The following SIDT1 variants were observed in gnomAD, a reference collection of about 807,000 sequenced individuals.
The protein encoded by SIDT1 is SID1 transmembrane family member 1.
SIDT1 carries 101 observed loss-of-function variants against 107.5 expected under a neutral mutation model. The observed-to-expected ratio is 0.94, with a 90% confidence interval of 0.80 to 1.11. The LOEUF is 1.11. Among genes scored for constraint, SIDT1 ranks in the 50% least tolerant of loss-of-function variants. The pLI is 0.00. For missense variants in SIDT1, 1,076 were observed against 1,058.2 expected, an observed-to-expected ratio of 1.02 and a Z score of -0.23; for synonymous variants, 395 against 398.2, an observed-to-expected ratio of 0.99 and a Z score of 0.10.
intron 2 of SIDT1, among the ~76,000 whole-genome samples, chr3:113,566,981 CAA>C (rs1363616537): frequency 1.3e-5 from 2 of 152,132 alleles, no homozygotes; most frequent in African/African-American, 4.8e-5. Flanking sequence ...GGAAAAACAA[CAA>C]AGTGCCTGCC....
At chr3:113,567,733 ACCTGTCTGTGTTT>A in intron 3 of SIDT1, 23 bp downstream of exon 3, 1 of 1,609,638 alleles carries the variant, frequency 6.2e-7, no homozygotes, top group Non-Finnish European at 8.5e-7. Context: ...TTCTCTGTTT[ACCTGTCTGTGTTT>A]CCTGTGCTTG....
chr3:113,540,460 T>C (rs1435063852), intron 1 of SIDT1, among the ~76,000 whole-genome samples: 1 of 152,126 alleles, frequency 6.6e-6, no homozygotes, highest in Non-Finnish European at 1.5e-5. Flanking sequence ...CTGGAAACAA[T>C]TTAAGATTTA....
chr3:113,553,720 A>C (rs1209093552), intron 1 of SIDT1, among the ~76,000 whole-genome samples: 1 of 152,168 alleles, frequency 6.6e-6, no homozygotes, highest in Non-Finnish European at 1.5e-5. Context: ...AGACTGGGGA[A>C]GTCTAAAGCC....
intron 4 of SIDT1, among the ~76,000 whole-genome samples, chr3:113,580,321 G>A (rs1231614685): frequency 1.3e-5 from 2 of 152,126 alleles, no homozygotes; most frequent in Non-Finnish European, 2.9e-5. Flanking sequence ...ACAAACTAAA[G>A]TATAGCAAAG....
At position 113,593,081 on chromosome 3, in the gene SIDT1, G is replaced by T. The variant is rs781647326; in HGVS notation, c.1045+33G>T. On this transcript the variant is annotated intron_variant, in intron 10 of 24. Transcript: ENST00000264852. ...CAATGCTTGGTTTCAATTCAAAATG[G>T]TGTCGCATAGTGTGGCAACATCCCA... The T allele has an allele frequency of 1.4e-5, 22 of 1,557,652 alleles. No individual in the cohort carries two copies. The African/African-American group carries it at 2.2e-4, about 15-fold the overall frequency.
Position 113,628,574 on chromosome 3 carries a change from A to ACAG in SIDT1, c.*877_*879dup, listed in dbSNP as rs901983443. 2.6e-5 allele frequency: 4 copies of ACAG among 152,724 alleles called. No homozygotes were observed. Among genetic ancestry groups the ACAG allele is most frequent in the Admixed American group, 2.0e-4 (3 of 15,292 alleles). 9.5% of individuals were successfully genotyped at this position (152,724 alleles called of 1,614,324 possible). A position where few individuals can be genotyped will look rare whatever the true frequency, so the allele number is the denominator to read the frequency against. On this transcript the variant is annotated 3_prime_UTR_variant, in exon 25 of 25. Coordinates refer to ENST00000264852, the MANE Select transcript of SIDT1 (RefSeq NM_017699.3). The stretch of plus-strand genomic sequence containing the variant: ...GACTAACCATACTAAAAGACTGGTA[A>ACAG]CAGCAGCAGCAGCCAGACAGGCCTC...
At chr3:113,560,187 G>A (rs1941297230) in intron 1 of SIDT1, among the ~76,000 whole-genome samples, 1 of 152,098 alleles carries the variant, frequency 6.6e-6, no homozygotes, top group Admixed American at 6.5e-5. Context: ...CACTACGAGT[G>A]GAGGTCTTAT....
At chr3:113,544,071 A>G (rs1229401759) in intron 1 of SIDT1, among the ~76,000 whole-genome samples, 1 of 151,992 alleles carries the variant, frequency 6.6e-6, no homozygotes, top group Non-Finnish European at 1.5e-5. Context: ...TTTTAATGAA[A>G]AAAGGTTTTT....
chr3:113,533,680 G>T (rs2107541949), intron 1 of SIDT1, among the ~76,000 whole-genome samples: 1 of 152,326 alleles, frequency 6.6e-6, no homozygotes, highest in South Asian at 2.1e-4. Flanking sequence ...CATAGCGCAT[G>T]GGGAGGGAGA....
intron 23 of SIDT1, 143 bp downstream of exon 23, chr3:113,623,876 A>C (rs1010781390): frequency 4.8e-6 from 3 of 629,004 alleles, no homozygotes; most frequent in Non-Finnish European, 8.4e-6. Flanking sequence ...ATAGCCGCAC[A>C]CAAATGCACA....
intron 10 of SIDT1, among the ~76,000 whole-genome samples, chr3:113,596,336 G>C (rs1302486243): frequency 6.6e-6 from 1 of 152,226 alleles, no homozygotes; most frequent in African/African-American, 2.4e-5. Flanking sequence ...CAGAAAATCT[G>C]TGCGCTACTC....
intron 3 of SIDT1, among the ~76,000 whole-genome samples, chr3:113,575,601 A>G (rs1392492497): frequency 1.3e-5 from 2 of 152,258 alleles, no homozygotes; most frequent in Non-Finnish European, 2.9e-5. Flanking sequence ...AAGTAGATAT[A>G]TAAAAATTAC....
intron 9 of SIDT1, among the ~76,000 whole-genome samples, chr3:113,587,888 C>A (rs1943856786): frequency 6.6e-6 from 1 of 152,130 alleles, no homozygotes. Flanking sequence ...ACCAAGAATG[C>A]CAGACCAAAA....
chr3:113,585,091 A>C, intron 8 of SIDT1, 86 bp from the exon 9 acceptor site: 1 of 901,018 alleles, frequency 1.1e-6, no homozygotes. Context: ...AATATGATGG[A>C]GGGGGCCCTT....
At chr3:113,579,292 T>A (rs7639610) in intron 4 of SIDT1, among the ~76,000 whole-genome samples, 129 of 152,324 alleles carry the variant, frequency 8.5e-4, no homozygotes, top group African/African-American at 3.0e-3. Flanking sequence ...TTGTTAATAC[T>A]TTCAGTGGGT....
chr3:113,616,444 T>C (rs531123631), intron 20 of SIDT1, among the ~76,000 whole-genome samples: 11 of 152,284 alleles, frequency 7.2e-5, no homozygotes, highest in African/African-American at 2.4e-4. Flanking sequence ...TAAACAGTGA[T>C]GATTACGGAC....
At chr3:113,621,828 A>G (rs1662506342) in intron 21 of SIDT1, among the ~76,000 whole-genome samples, 1 of 152,238 alleles carries the variant, frequency 6.6e-6, no homozygotes. Flanking sequence ...AGCATTGTCC[A>G]TTAGAACTCT....
At chr3:113,539,115 A>C (rs1204991871) in intron 1 of SIDT1, among the ~76,000 whole-genome samples, 1 of 152,212 alleles carries the variant, frequency 6.6e-6, no homozygotes, top group African/African-American at 2.4e-5. Flanking sequence ...AAAATGAAAT[A>C]AATGCTTTAT....
chr3:113,563,078 GGCCA>G (rs1941575636), intron 1 of SIDT1, among the ~76,000 whole-genome samples: 1 of 152,172 alleles, frequency 6.6e-6, no homozygotes, highest in South Asian at 2.1e-4. Flanking sequence ...AGATATCCAA[GGCCA>G]GTCAACACTG....
Sources: gnomAD v4.1 joint callset for allele counts (sites outside exome capture counted in the v4.1 genomes callset) on GRCh38, gnomAD v4.1.1 for gene constraint, MANE v1.5 for transcripts, NCBI Gene and HGNC (gene_info 2026-07-23, HGNC 2026-07-21) for gene names.